Variants in CEP41 observed in about 807,000 individuals in gnomAD.
CEP41 encodes centrosomal protein 41.
A neutral mutation model predicts 44.3 loss-of-function variants in CEP41; 32 were observed. The ratio of observed to expected loss-of-function variants is 0.72; its 90% CI spans 0.54 to 0.97. The LOEUF (loss-of-function observed/expected upper bound fraction) is 0.97, where lower values mean the gene tolerates loss of function less well. Among genes scored for constraint, CEP41 ranks in the 50% least tolerant of loss-of-function variants. The pLI, the probability that CEP41 is intolerant of heterozygous loss-of-function variation, is 0.00. For synonymous variants in CEP41, 151 were observed against 168.5 expected (o/e 0.90, Z 0.80); for missense variants, 432 against 455.2 (o/e 0.95, Z 0.46).
intron 5 of CEP41, 52 bp from the exon 6 acceptor site, chr7:130,404,760 T>C: frequency 7.6e-7 from 1 of 1,316,644 alleles, no homozygotes; most frequent in Admixed American, 1.7e-5. Flanking sequence ...GATTTGTATT[T>C]ACTTATTAGT....
rs185880290 is a variant in CEP41 at position 130,395,020 on chromosome 7, A to C, written c.*3871T>G. On this transcript the variant is annotated 3_prime_UTR_variant, in exon 11 of 11. Coordinates refer to ENST00000223208, the MANE Select transcript of CEP41 (RefSeq NM_018718.3). Reference sequence around the variant, plus strand: ...GAGAGGGGAGCCATCAGGGGATCACAATGTGACAGACACCGTTTCGAAAAC... The same window carrying C: ...GAGAGGGGAGCCATCAGGGGATCACCATGTGACAGACACCGTTTCGAAAAC... The C allele has an allele frequency of 4.4e-6, 2 of 454,118 alleles. No individual in the cohort carries two copies. The highest frequency in any genetic ancestry group is 1.4e-4 in the East Asian group (2 of 14,394). 28.1% of individuals were successfully genotyped at this position (454,118 alleles called of 1,614,324 possible).
At chr7:130,438,123 T>C (rs1192339718) in intron 1 of CEP41, among the ~76,000 whole-genome samples, 3 of 152,178 alleles carry the variant, frequency 2.0e-5, no homozygotes, top group Non-Finnish European at 4.4e-5. Flanking sequence ...CCAGCACCAA[T>C]GAGTAGTCTA....
intron 1 of CEP41, among the ~76,000 whole-genome samples, chr7:130,434,899 G>A (rs1554425860): frequency 6.6e-6 from 1 of 151,996 alleles, no homozygotes; most frequent in East Asian, 1.9e-4. Flanking sequence ...AATCATATCA[G>A]TCCATTTGTA....
At chr7:130,426,764 G>A (rs1208397701) in intron 2 of CEP41, 6 of 425,732 alleles carry the variant, frequency 1.4e-5, no homozygotes, top group Non-Finnish European at 2.3e-5. Context: ...TACGGCCTAA[G>A]AAACAGTACA....
Position 130,421,239 on chromosome 7 carries a change from A to G in CEP41, c.98-4273T>C, listed in dbSNP as rs1468394747. 7 of 985,326 alleles carry G rather than the reference A, an allele frequency of 7.1e-6. No homozygotes were observed. In the African/African-American group the frequency reaches 1.2e-4, roughly 17 times the overall value. 61.0% of individuals were successfully genotyped at this position (985,326 alleles called of 1,614,324 possible). A position where few individuals can be genotyped will look rare whatever the true frequency, so the allele number is the denominator to read the frequency against. The stretch of plus-strand genomic sequence containing the variant: ...TAACATTATTTATACTGAGCCAATA[A>G]GAAAAGCAAGTGATTTTGTGCAGCA... On this transcript the variant is annotated intron_variant, in intron 2 of 10. Transcript: ENST00000223208.
rs1554414219 is a variant in CEP41 at position 130,395,747 on chromosome 7, G to T, written c.*3144C>A. ...TTGGTCGAGTAGCCTAAAGTCTTAA[G>T]AATTTTTGTATAATTTAAATAGCAC... On this transcript the variant is annotated 3_prime_UTR_variant, in exon 11 of 11. Coordinates refer to ENST00000223208, the MANE Select transcript of CEP41 (RefSeq NM_018718.3). 5 of 453,588 alleles carry T rather than the reference G, an allele frequency of 1.1e-5. No homozygotes were observed. Among genetic ancestry groups the T allele is most frequent in the Non-Finnish European group, 2.2e-5 (5 of 226,716 alleles). 28.1% of individuals were successfully genotyped at this position (453,588 alleles called of 1,614,324 possible).
chr7:130,440,480 G>A, intron 1 of CEP41: 1 of 303,328 alleles, frequency 3.3e-6, no homozygotes, highest in Non-Finnish European at 6.4e-6. Context: ...TATGGAGAGA[G>A]GGGTAAGCCT....
chr7:130,407,245 CAA>C (rs1415663256), intron 5 of CEP41, among the ~76,000 whole-genome samples: 1 of 122,916 alleles, frequency 8.1e-6, no homozygotes, highest in African/African-American at 3.0e-5. Flanking sequence ...TAAAAAATAA[CAA>C]GAGTAAACAC....
At chr7:130,423,508 C>T (rs1372274996) in intron 2 of CEP41, among the ~76,000 whole-genome samples, 1 of 152,210 alleles carries the variant, frequency 6.6e-6, no homozygotes, top group Non-Finnish European at 1.5e-5. Flanking sequence ...AGCCCTCCTA[C>T]ATTGCTGCTG....
chr7:130,421,727 A>C (rs1231672516), intron 2 of CEP41: 1 of 1,182,416 alleles, frequency 8.5e-7, no homozygotes. Context: ...TCAGAAAGCT[A>C]AAGAAATTGG....
At chr7:130,421,549 G>A (rs1797509673) in intron 2 of CEP41, 2 of 985,304 alleles carry the variant, frequency 2.0e-6, no homozygotes, top group African/African-American at 3.5e-5. Flanking sequence ...AGTCTATAAT[G>A]AGTTTGATGC....
In CEP41 at chr7:130,404,626, C is replaced by T. The variant is rs148169407; in HGVS notation, c.360G>A (p.Pro120=). ...CGTTGTTTATGAACTGCTCAGGGCT[C>T]GGCGACTGCTCACCTGGATTTCCTT... The part of the protein sequence containing the change: ...NGKGNPGEQS[P]SPEQFINNAG... Residue 120 remains proline (P), a synonymous_variant, in exon 6 of 11, where the codon CCG becomes CCA. Coordinates refer to ENST00000223208, the MANE Select transcript of CEP41 (RefSeq NM_018718.3). 13 of 1,613,488 alleles carry T rather than the reference C, an allele frequency of 8.1e-6. No individual in the cohort carries two copies. Among genetic ancestry groups the T allele is most frequent in the Middle Eastern group, 1.6e-4 (1 of 6,084 alleles).
At chr7:130,416,455 T>C (rs1554420896) in intron 3 of CEP41, among the ~76,000 whole-genome samples, 1 of 152,240 alleles carries the variant, frequency 6.6e-6, no homozygotes, top group East Asian at 1.9e-4. Flanking sequence ...TGCAATGAAT[T>C]GATAATGCAT....
At chr7:130,429,489 C>T (rs568053008) in intron 1 of CEP41, among the ~76,000 whole-genome samples, 1 of 152,330 alleles carries the variant, frequency 6.6e-6, no homozygotes, top group Admixed American at 6.5e-5. Flanking sequence ...TTTGCTCAGG[C>T]CTTTTTCTGG....
chr7:130,440,688 G>A (rs1271068277), intron 1 of CEP41: 2 of 603,472 alleles, frequency 3.3e-6, no homozygotes, highest in Non-Finnish European at 5.9e-6. Flanking sequence ...TGGGTACTTC[G>A]CTCCTCGCAG....
chr7:130,432,502 A>G (rs1797850172), intron 1 of CEP41, among the ~76,000 whole-genome samples: 1 of 150,924 alleles, frequency 6.6e-6, no homozygotes, highest in Non-Finnish European at 1.5e-5. Context: ...CCGTAATCCC[A>G]TTAATTTGGG....
chr7:130,422,092 G>A, intron 2 of CEP41: 1 of 1,491,498 alleles, frequency 6.7e-7, no homozygotes, highest in Non-Finnish European at 9.0e-7. Flanking sequence ...GTTCATATGA[G>A]AAGCAGAGCC....
At chr7:130,416,540 A>G (rs1323715027) in intron 3 of CEP41, among the ~76,000 whole-genome samples, 1 of 152,240 alleles carries the variant, frequency 6.6e-6, no homozygotes, top group Non-Finnish European at 1.5e-5. Context: ...GAAGGAAGAT[A>G]TTATTACCCC....
rs1554414802 is a variant in CEP41, at chr7:130,396,837, C to T, written c.*2054G>A. On this transcript the variant is annotated 3_prime_UTR_variant, in exon 11 of 11. Coordinates refer to ENST00000223208, the MANE Select transcript of CEP41 (RefSeq NM_018718.3). ...TCAGGTGAGTGCACACCAATTCTAA[C>T]AGGTCTGGCTGACCTGGCTTTCCAC... 4.4e-6 allele frequency: 2 copies of T among 450,114 alleles called. No homozygotes were observed. Among genetic ancestry groups the T allele is most frequent in the Admixed American group, 2.4e-5 (1 of 42,148 alleles). The allele number at this position is 450,114 out of a possible 1,614,324, so 27.9% of individuals were successfully genotyped here. A position where few individuals can be genotyped will look rare whatever the true frequency, so the allele number is the denominator to read the frequency against.
Sources: gnomAD v4.1 joint callset for allele counts (sites outside exome capture counted in the v4.1 genomes callset) on GRCh38, gnomAD v4.1.1 for gene constraint, MANE v1.5 for transcripts, NCBI Gene and HGNC (gene_info 2026-07-23, HGNC 2026-07-21) for gene names.